GON4L: variants seen among roughly 807,000 people sequenced by gnomAD.
GON4L encodes the protein GON-4-like protein.
A neutral mutation model predicts 211.8 loss-of-function variants in GON4L; 87 were observed. The observed-to-expected ratio is 0.41, with a 90% CI of 0.35 to 0.49. GON4L has a LOEUF of 0.49. Among genes scored for constraint, GON4L ranks in the 20% least tolerant of loss-of-function variants. The pLI is 0.15. For missense variants in GON4L, 2,155 were observed against 2,659.5 expected (o/e 0.81, Z 4.17); for synonymous variants, 875 against 962.6 (o/e 0.91, Z 1.68).
chr1:155,785,275 A>T, intron 13 of GON4L, 59 bp downstream of exon 13: 1 of 1,073,398 alleles, frequency 9.3e-7, no homozygotes, highest in Non-Finnish European at 1.5e-6. Context: ...ACCAAATGAC[A>T]CATCTTGCTG....
intron 10 of GON4L, 37 bp downstream of exon 10, chr1:155,813,597 C>T: frequency 1.3e-6 from 2 of 1,507,252 alleles, no homozygotes; most frequent in Non-Finnish European, 1.8e-6. Flanking sequence ...CATTACTCCA[C>T]TTGACTTTCT....
intron 29 of GON4L, 123 bp from the exon 30 acceptor site, chr1:155,752,713 C>T: frequency 6.8e-7 from 1 of 1,462,834 alleles, no homozygotes; most frequent in Non-Finnish European, 9.3e-7. Context: ...GGCATGGTGG[C>T]TCACACCTAT....
At chr1:155,858,278 G>T (rs540573337), upstream of GON4L, among the ~76,000 whole-genome samples, 5 of 152,176 alleles carry the variant, frequency 3.3e-5, no homozygotes, top group African/African-American at 1.2e-4. Context: ...ATAAAAAACA[G>T]AATGTCAAAA....
At chr1:155,823,729 T>C (rs915094644) in intron 3 of GON4L, among the ~76,000 whole-genome samples, 3 of 151,986 alleles carry the variant, frequency 2.0e-5, no homozygotes, top group African/African-American at 4.8e-5. Flanking sequence ...ACCTCGTCTC[T>C]ACTGAAAATA....
intron 19 of GON4L, among the ~76,000 whole-genome samples, chr1:155,769,448 A>C (rs958882457): frequency 7.2e-5 from 11 of 152,182 alleles, no homozygotes; most frequent in African/African-American, 2.7e-4. Context: ...AAAGCCCAAA[A>C]CATCAGTGCA....
At chr1:155,807,091 C>CA (rs5777956) in intron 10 of GON4L, among the ~76,000 whole-genome samples, 73,048 of 119,188 alleles carry the variant, frequency 0.61, 21,045 homozygotes, top group Middle Eastern at 0.75. Context: ...AGAGACATCT[C>CA]AAAAAAAAAA....
intron 12 of GON4L, among the ~76,000 whole-genome samples, chr1:155,794,743 A>C (rs1351554912): frequency 6.6e-6 from 1 of 152,102 alleles, no homozygotes; most frequent in Non-Finnish European, 1.5e-5. Context: ...TTGTATTGTA[A>C]CTTTTTCTGT....
In GON4L at chr1:155,766,713, T is replaced by C. The variant is rs1662532225; in HGVS notation, c.2764-4A>G. The C allele has an allele frequency of 2.5e-6, 4 of 1,614,068 alleles. No individual in the cohort carries two copies. The highest frequency in any genetic ancestry group is 1.1e-5 in the South Asian group (1 of 91,078). On this transcript the variant is annotated splice_region_variant and splice_polypyrimidine_tract_variant and intron_variant, in intron 20 of 31. Transcript: ENST00000368331. Reference sequence around the variant, plus strand: ...CCTGGATGGATGGCAGACTGGCCTATTGGAAACAAGAACACTCTGATCCAG... The same window carrying C: ...CCTGGATGGATGGCAGACTGGCCTACTGGAAACAAGAACACTCTGATCCAG...
intron 13 of GON4L, 167 bp from the exon 14 acceptor site, chr1:155,784,256 C>T: frequency 2.3e-6 from 2 of 860,968 alleles, no homozygotes; most frequent in East Asian, 2.8e-5. Flanking sequence ...CACAAACCCA[C>T]ACTTGGGATG....
At position 155,765,669 on chromosome 1, in the gene GON4L, G is replaced by C; in HGVS notation, c.3804C>G (p.Ser1268Arg). The C allele has an allele frequency of 6.2e-7, 1 of 1,614,166 alleles. No homozygotes were observed. The highest frequency in any genetic ancestry group is 8.5e-7 in the Non-Finnish European group (1 of 1,180,026). ...CTGCATCTGCTAGTGGAGGCCCTGG[G>C]CTATGTTCCACTTTCGGGAAAACAG... ...SATVFPKVEH[S>R]PGPPLADAEC... is the part of the protein sequence containing the mutation. Residue 1268 changes from serine to arginine, a missense_variant, in exon 21 of 32, where the codon AGC becomes AGG. This residue lies in a region of GON4L where 615 missense variants were observed against 625.7 expected (regional missense o/e 0.98). Transcript: ENST00000368331.
At chr1:155,825,508 A>G (rs1669116184) in intron 3 of GON4L, among the ~76,000 whole-genome samples, 1 of 150,554 alleles carries the variant, frequency 6.6e-6, no homozygotes, top group Non-Finnish European at 1.5e-5. Context: ...GAAGGCAGAC[A>G]CTGCAGTGAG....
At chr1:155,789,037 C>T (rs9660095) in intron 12 of GON4L, among the ~76,000 whole-genome samples, 3,807 of 151,100 alleles carry the variant, frequency 0.025, 236 homozygotes, top group Admixed American at 0.14. Flanking sequence ...TTGCAGTGAG[C>T]CGCACCACTG....
intron 2 of GON4L, 151 bp downstream of exon 2, chr1:155,853,125 G>T: frequency 1.3e-6 from 1 of 749,730 alleles, no homozygotes. Context: ...AAAAAAAAAA[G>T]TTCACTGTTG....
chr1:155,776,357 AC>A, intron 16 of GON4L, 37 bp downstream of exon 16: 4 of 1,303,488 alleles, frequency 3.1e-6, no homozygotes, highest in Non-Finnish European at 4.5e-6. Context: ...CTAATTTCAT[AC>A]TCTAGTCTTT....
At chr1:155,853,945 T>C in intron 1 of GON4L, 139 bp from the exon 2 acceptor site, 1 of 653,666 alleles carries the variant, frequency 1.5e-6, no homozygotes, top group Non-Finnish European at 2.7e-6. Flanking sequence ...TAGGTGGAAG[T>C]TGAGAGACAG....
At chr1:155,815,479 G>C (rs994024484) in intron 8 of GON4L, among the ~76,000 whole-genome samples, 1 of 152,074 alleles carries the variant, frequency 6.6e-6, no homozygotes, top group African/African-American at 2.4e-5. Flanking sequence ...TATTTTTAGG[G>C]GGAGGGAGGT....
At chr1:155,842,380 C>A (rs958515764) in intron 2 of GON4L, among the ~76,000 whole-genome samples, 2 of 151,302 alleles carry the variant, frequency 1.3e-5, no homozygotes, top group Non-Finnish European at 2.9e-5. Flanking sequence ...AAAAATTAGC[C>A]GGGCATGGTG....
rs747835212 is a variant in GON4L at position 155,815,790 on chromosome 1, CTAA to C, written c.1161+12_1161+14del. 7.3e-5 allele frequency: 1 copy of C among 13,662 alleles called. No individual in the cohort carries two copies. Among genetic ancestry groups the C allele is most frequent in the African/African-American group, 1.0e-4 (1 of 9,642 alleles). 0.8% of individuals were successfully genotyped at this position (13,662 alleles called of 1,614,324 possible). A position where few individuals can be genotyped will look rare whatever the true frequency, so the allele number is the denominator to read the frequency against. ...GCTCTATTAAGACAAATATTACCAA[CTAA>C]CATTCACTGACCTCTTCAGCAGTTT... is the stretch of plus-strand genomic sequence containing the variant. On this transcript the variant is annotated intron_variant, in intron 8 of 31. Coordinates refer to ENST00000368331, the MANE Select transcript of GON4L (RefSeq NM_001282860.2).
downstream of GON4L, chr1:155,748,811 A>G: frequency 6.3e-7 from 1 of 1,589,278 alleles, no homozygotes; most frequent in Non-Finnish European, 8.6e-7. Flanking sequence ...GGTCCTTAGG[A>G]GTCCTTGTCA....
Sources: allele counts gnomAD v4.1 joint callset (sites outside exome capture counted in the v4.1 genomes callset), GRCh38; gene constraint gnomAD v4.1.1; regional missense constraint gnomAD v4.1.1; transcripts MANE v1.5; gene names NCBI Gene and HGNC (gene_info 2026-07-23, HGNC 2026-07-21).